Variants in MNAT1 observed in about 807,000 individuals in gnomAD.
The protein encoded by MNAT1 is MNAT1 component of CDK activating kinase, also known as CDK-activating kinase assembly factor MAT1.
MNAT1 carries 43 observed loss-of-function variants against 42.0 expected under a neutral mutation model. That is an observed-to-expected ratio of 1.02 (90% CI 0.80 to 1.32). The LOEUF (loss-of-function observed/expected upper bound fraction) is 1.32. Ranked by LOEUF, MNAT1 falls within the 40% of genes most tolerant of loss-of-function variation. The pLI, the probability that MNAT1 is intolerant of heterozygous loss-of-function variation, is 0.00. For synonymous variants in MNAT1, 118 were observed against 120.0 expected, an observed-to-expected ratio of 0.98 and a Z score of 0.11; for missense variants, 306 against 350.4, an observed-to-expected ratio of 0.87 and a Z score of 1.01.
intron 6 of MNAT1, among the ~76,000 whole-genome samples, chr14:60,851,813 G>T (rs2033830045): frequency 6.6e-6 from 1 of 152,112 alleles, no homozygotes; most frequent in Non-Finnish European, 1.5e-5. Context: ...TTGGTTTTCT[G>T]ATCCTGTGTT....
intron 1 of MNAT1, among the ~76,000 whole-genome samples, chr14:60,752,173 C>A (rs1384757179): frequency 6.6e-6 from 1 of 151,770 alleles, no homozygotes; most frequent in Non-Finnish European, 1.5e-5. Context: ...GATCTTATTT[C>A]TTGCTACTGA....
intron 7 of MNAT1, among the ~76,000 whole-genome samples, chr14:60,958,543 A>C (rs1055577287): frequency 6.7e-6 from 1 of 149,114 alleles, no homozygotes; most frequent in African/African-American, 2.5e-5. Flanking sequence ...ATGTACCTTG[A>C]TGTTTATATC....
At chr14:60,955,645 G>A (rs2036475266) in intron 7 of MNAT1, among the ~76,000 whole-genome samples, 1 of 152,116 alleles carries the variant, frequency 6.6e-6, no homozygotes, top group African/African-American at 2.4e-5. Flanking sequence ...TGGGCAACAA[G>A]AACAAAACTC....
chr14:60,903,877 T>C (rs2035130505), intron 7 of MNAT1, among the ~76,000 whole-genome samples: 1 of 150,402 alleles, frequency 6.6e-6, no homozygotes, highest in African/African-American at 2.4e-5. Flanking sequence ...TTTTTTTTTT[T>C]TTTTTTTTTC....
At chr14:60,813,324 C>T (rs955717706) in intron 5 of MNAT1, among the ~76,000 whole-genome samples, 11 of 152,192 alleles carry the variant, frequency 7.2e-5, no homozygotes, top group African/African-American at 1.7e-4. Context: ...GACTCACCCA[C>T]GTGCTCCCTC....
intron 1 of MNAT1, among the ~76,000 whole-genome samples, chr14:60,754,551 G>A (rs1025049172): frequency 1.3e-4 from 19 of 151,782 alleles, no homozygotes; most frequent in African/African-American, 3.9e-4. Context: ...GGGTTTCACC[G>A]TGTTAGCCAC....
At chr14:60,905,452 A>G (rs929354379) in intron 7 of MNAT1, among the ~76,000 whole-genome samples, 2 of 152,216 alleles carry the variant, frequency 1.3e-5, no homozygotes, top group African/African-American at 2.4e-5. Flanking sequence ...TTAGAGATAC[A>G]TAAGAGGATG....
chr14:60,764,334 G>A (rs1007110825), intron 1 of MNAT1, among the ~76,000 whole-genome samples: 4 of 151,690 alleles, frequency 2.6e-5, no homozygotes, highest in African/African-American at 9.7e-5. Context: ...GAAGATCAAT[G>A]CCATTTTTCT....
chr14:60,820,577 A>G (rs895669159), intron 6 of MNAT1, among the ~76,000 whole-genome samples: 1 of 151,570 alleles, frequency 6.6e-6, no homozygotes, highest in Non-Finnish European at 1.5e-5. Flanking sequence ...GAATTTGAAA[A>G]TCTAGATACT....
intron 7 of MNAT1, among the ~76,000 whole-genome samples, chr14:60,955,138 T>C (rs2036460602): frequency 6.6e-6 from 1 of 152,202 alleles, no homozygotes; most frequent in South Asian, 2.1e-4. Flanking sequence ...TTTACATCTG[T>C]GTTCATTATA....
chr14:60,858,163 A>G (rs1209810752), intron 6 of MNAT1, among the ~76,000 whole-genome samples: 3 of 152,224 alleles, frequency 2.0e-5, no homozygotes, highest in Non-Finnish European at 2.9e-5. Context: ...GTCTTCCACA[A>G]TGGTTAAACT....
intron 3 of MNAT1, among the ~76,000 whole-genome samples, chr14:60,807,518 A>G (rs1416488385): frequency 6.6e-6 from 1 of 152,146 alleles, no homozygotes; most frequent in Non-Finnish European, 1.5e-5. Flanking sequence ...GGAACAGGAG[A>G]GTCTTACTGA....
intron 1 of MNAT1, among the ~76,000 whole-genome samples, chr14:60,739,465 A>G (rs528922546): frequency 3.9e-5 from 6 of 152,180 alleles, no homozygotes; most frequent in African/African-American, 1.2e-4. Flanking sequence ...GTAGTGCTTC[A>G]TAAAAGAGGA....
intron 1 of MNAT1, chr14:60,753,594 T>A (rs1423972395): frequency 6.6e-6 from 1 of 152,208 alleles, no homozygotes; most frequent in East Asian, 1.9e-4. Flanking sequence ...CCACGATGTC[T>A]TCTATGAACA....
At chr14:60,843,263 T>G (rs2033596309) in intron 6 of MNAT1, among the ~76,000 whole-genome samples, 1 of 152,154 alleles carries the variant, frequency 6.6e-6, no homozygotes, top group Non-Finnish European at 1.5e-5. Context: ...TTTTTATTCA[T>G]TCGTTTGCCT....
At chr14:60,884,790 A>G (rs1276034090) in intron 7 of MNAT1, among the ~76,000 whole-genome samples, 2 of 151,948 alleles carry the variant, frequency 1.3e-5, no homozygotes, top group African/African-American at 4.8e-5. Context: ...TTACCAGTGA[A>G]TTTTGTACCT....
intron 7 of MNAT1, among the ~76,000 whole-genome samples, chr14:60,918,294 T>C (rs1019937487): frequency 7.2e-6 from 1 of 138,056 alleles, no homozygotes; most frequent in African/African-American, 2.6e-5. Flanking sequence ...CTGCAAGCTC[T>C]GCCTCCCGGG....
chr14:60,880,970 CATTT>C (rs1255455194), intron 7 of MNAT1, among the ~76,000 whole-genome samples: 2 of 152,110 alleles, frequency 1.3e-5, no homozygotes, highest in African/African-American at 4.8e-5. Context: ...ATGATGTAGA[CATTT>C]ATTTCTTATC....
At chr14:60,788,278 G>A (rs564290326) in intron 1 of MNAT1, among the ~76,000 whole-genome samples, 30 of 151,946 alleles carry the variant, frequency 2.0e-4, no homozygotes, top group South Asian at 1.2e-3. Flanking sequence ...CTTTTTTTCC[G>A]AGCAATAGGT....
Sources: allele counts gnomAD v4.1 joint callset (sites outside exome capture counted in the v4.1 genomes callset), GRCh38; gene constraint gnomAD v4.1.1; transcripts MANE v1.5; gene names NCBI Gene and HGNC (gene_info 2026-07-23, HGNC 2026-07-21).